The following PLEKHG7 variants were observed in gnomAD, a reference collection of about 807,000 sequenced individuals.
The protein encoded by PLEKHG7 is pleckstrin homology and RhoGEF domain containing G7.
Under a neutral mutation model 85.2 loss-of-function variants are expected in PLEKHG7, and 77 were observed. The observed-to-expected ratio is 0.90, with a 90% CI of 0.75 to 1.09. The LOEUF is 1.09. Ranked by LOEUF, PLEKHG7 falls within the 50% of genes least tolerant of loss-of-function variation. PLEKHG7 has a pLI of 0.00. For synonymous variants in PLEKHG7, 301 were observed against 302.4 expected (o/e 1.00, Z 0.05); for missense variants, 777 against 804.3 (o/e 0.97, Z 0.41).
chr12:92,720,664 T>TCCC, intron 3 of PLEKHG7, among the ~76,000 whole-genome samples: 1 of 152,276 alleles, frequency 6.6e-6, no homozygotes, highest in South Asian at 2.1e-4. Flanking sequence ...TCGTTGGATT[T>TCCC]AGGGCCCACT....
At chr12:92,722,765 G>A (rs994540014) in intron 3 of PLEKHG7, among the ~76,000 whole-genome samples, 5 of 152,110 alleles carry the variant, frequency 3.3e-5, no homozygotes, top group Admixed American at 2.0e-4. Context: ...GTTCCAGAAC[G>A]GAAAAACAAA....
chr12:92,763,475 A>G (rs1873094722), intron 14 of PLEKHG7, among the ~76,000 whole-genome samples: 1 of 152,182 alleles, frequency 6.6e-6, no homozygotes, highest in Admixed American at 6.5e-5. Flanking sequence ...TTTCCCAGTT[A>G]TGGACATCAA....
intron 16 of PLEKHG7, 76 bp from the exon 17 acceptor site, chr12:92,770,012 T>C (rs1422834546): frequency 1.0e-6 from 1 of 953,808 alleles, no homozygotes; most frequent in East Asian, 2.6e-5. Flanking sequence ...GCAGAAAATA[T>C]TAGCCCAAAT....
chr12:92,715,046 A>C (rs1361573248), intron 3 of PLEKHG7, among the ~76,000 whole-genome samples: 1 of 151,946 alleles, frequency 6.6e-6, no homozygotes, highest in African/African-American at 2.4e-5. Flanking sequence ...ATAGATAGAT[A>C]GATAGATAGA....
chr12:92,729,642 A>G (rs1323725537), intron 4 of PLEKHG7, among the ~76,000 whole-genome samples: 1 of 152,120 alleles, frequency 6.6e-6, no homozygotes, highest in Non-Finnish European at 1.5e-5. Flanking sequence ...TAAAAGAACA[A>G]TTAGGGTCTT....
chr12:92,768,931 G>T, intron 15 of PLEKHG7, 52 bp from the exon 16 acceptor site: 1 of 1,285,446 alleles, frequency 7.8e-7, no homozygotes, highest in Non-Finnish European at 1.1e-6. Flanking sequence ...GAAATTGTTT[G>T]GATTTCATAT....
intron 3 of PLEKHG7, chr12:92,721,513 C>T (rs375670078): frequency 2.1e-5 from 26 of 1,229,198 alleles, no homozygotes; most frequent in African/African-American, 4.7e-5. Flanking sequence ...CTTGGGGCAA[C>T]GCAACTCAGG....
chr12:92,741,564 C>T lies in PLEKHG7; in HGVS notation c.1109C>T (p.Ser370Leu). ...DYVDASEISSSLDFISVLTKY... is the reference protein window; with the variant it reads ...DYVDASEISSLLDFISVLTKY... The stretch of plus-strand genomic sequence containing the variant: ...GTAGACGCTTCTGAGATTTCCTCAT[C>T]ACTGGATTTTATTTCCGTGCTCACA... Residue 370 changes from serine (S) to leucine (L), a missense_variant, in exon 9 of 17, where the codon TCA becomes TTA. Transcript: ENST00000344636. 6.2e-7 allele frequency: 1 copy of T among 1,613,192 alleles called. No individual in the cohort carries two copies. Among genetic ancestry groups the T allele is most frequent in the African/African-American group, 1.3e-5 (1 of 75,038 alleles).
In PLEKHG7 at chr12:92,732,932, C is replaced by G. The variant is rs567622073; in HGVS notation, c.699+659C>G. On this transcript the variant is annotated intron_variant, in intron 5 of 16. Transcript: ENST00000344636. The stretch of plus-strand genomic sequence containing the variant: ...GAGAAAAGGGACTGATTTGTGTTCT[C>G]CCAGCATTACTAGTTGCATTACTTA... Among the ~76,000 whole-genome samples, 28 of 152,230 alleles carry G rather than the reference C, an allele frequency of 1.8e-4. No individual in the cohort carries two copies. The East Asian group carries it at 5.2e-3, about 28-fold the overall frequency.
chr12:92,739,753 TC>T (rs1378767394), intron 7 of PLEKHG7, among the ~76,000 whole-genome samples: 11 of 152,206 alleles, frequency 7.2e-5, no homozygotes, highest in Non-Finnish European at 1.3e-4. Context: ...AAGCAAAGAA[TC>T]TTATAGCAAA....
intron 2 of PLEKHG7, 46 bp from the exon 3 acceptor site, chr12:92,707,604 T>C: frequency 1.2e-6 from 2 of 1,600,356 alleles, no homozygotes; most frequent in Non-Finnish European, 8.5e-7. Flanking sequence ...GAGTTTGGGA[T>C]GGGTTTGAGC....
At chr12:92,737,939 A>C (rs1402377093) in intron 7 of PLEKHG7, among the ~76,000 whole-genome samples, 1 of 152,304 alleles carries the variant, frequency 6.6e-6, no homozygotes, top group Admixed American at 6.5e-5. Flanking sequence ...GTCCCATCCG[A>C]TGTTGAATGA....
intron 3 of PLEKHG7, chr12:92,721,482 A>T: frequency 8.2e-7 from 1 of 1,225,430 alleles, no homozygotes; most frequent in East Asian, 3.2e-5. Flanking sequence ...CCATGGGACT[A>T]GTCCCTTCGG....
chr12:92,732,229 C>T lies in PLEKHG7; in HGVS notation c.659-4C>T, dbSNP rs1365976449. 1.6e-6 allele frequency: 2 copies of T among 1,229,632 alleles called. No individual in the cohort carries two copies. The highest frequency in any genetic ancestry group is 3.1e-5 in the African/African-American group (2 of 64,294). The allele number at this position is 1,229,632 out of a possible 1,614,324, so 76.2% of individuals were successfully genotyped here. On this transcript the variant is annotated splice_polypyrimidine_tract_variant and splice_region_variant and intron_variant, in intron 4 of 16. Transcript: ENST00000344636. ...AATAATATATTGTCTTTAATTTCACCCAGAATCCAAAAAGCCAAGATGGCC... is the reference window on the plus strand; with the variant it reads ...AATAATATATTGTCTTTAATTTCACTCAGAATCCAAAAAGCCAAGATGGCC...
intron 2 of PLEKHG7, 105 bp downstream of exon 2, chr12:92,707,243 G>T: frequency 6.9e-7 from 1 of 1,459,116 alleles, no homozygotes; most frequent in South Asian, 1.5e-5. Context: ...CTAAAAAGGA[G>T]ACAGCACAGG....
chr12:92,717,585 C>T (rs766469200), intron 3 of PLEKHG7, among the ~76,000 whole-genome samples: 24 of 152,164 alleles, frequency 1.6e-4, no homozygotes, highest in African/African-American at 2.7e-4. Context: ...ATAGTGGTCC[C>T]GTAAGATTAT....
intron 10 of PLEKHG7, among the ~76,000 whole-genome samples, chr12:92,752,369 G>A (rs894353995): frequency 6.6e-6 from 1 of 152,198 alleles, no homozygotes; most frequent in Non-Finnish European, 1.5e-5. Context: ...GTTCCATGTT[G>A]TTCAGGGAAG....
chr12:92,735,752 A>G (rs1329815524), intron 5 of PLEKHG7, among the ~76,000 whole-genome samples: 2 of 152,228 alleles, frequency 1.3e-5, no homozygotes, highest in Non-Finnish European at 2.9e-5. Flanking sequence ...ATGTGTAAAT[A>G]TGGTACATTA....
At chr12:92,741,348 G>A (rs1240268446) in intron 8 of PLEKHG7, 143 bp from the exon 9 acceptor site, 3 of 457,894 alleles carry the variant, frequency 6.6e-6, no homozygotes, top group Admixed American at 7.7e-5. Flanking sequence ...ATTGGAGAGT[G>A]GAGGAAATAA....
Sources: gnomAD v4.1 joint callset for allele counts (sites outside exome capture counted in the v4.1 genomes callset) on GRCh38, gnomAD v4.1.1 for gene constraint, MANE v1.5 for transcripts, NCBI Gene and HGNC (gene_info 2026-07-23, HGNC 2026-07-21) for gene names.